Variants in CDIN1 observed in about 807,000 individuals in gnomAD.
The protein encoded by CDIN1 is CDAN1-interacting nuclease 1.
CDIN1 carries 33 observed loss-of-function variants against 45.3 expected under a neutral mutation model. That is an observed-to-expected ratio of 0.73 (90% confidence interval 0.55 to 0.97). CDIN1 has a LOEUF of 0.97. Among genes scored for constraint, CDIN1 ranks in the 50% least tolerant of loss-of-function variants. The probability of loss-of-function intolerance (pLI) is 0.00; values close to 1 mark genes in which losing one functional copy is unlikely to be tolerated. For missense variants in CDIN1, 303 were observed against 339.4 expected (o/e 0.89, Z 0.84); for synonymous variants, 118 against 124.4 (o/e 0.95, Z 0.34).
chr15:36,761,298 G>C (rs956705887), intron 10 of CDIN1, among the ~76,000 whole-genome samples: 1 of 152,096 alleles, frequency 6.6e-6, no homozygotes, highest in Non-Finnish European at 1.5e-5. Flanking sequence ...GATTGTTTCC[G>C]TTGTGCATAT....
intron 8 of CDIN1, chr15:36,701,998 C>G: frequency 1.4e-6 from 1 of 700,690 alleles, no homozygotes; most frequent in Non-Finnish European, 2.6e-6. Context: ...ATGTGACAAA[C>G]AGGGGATTAT....
At chr15:36,659,984 T>TTTTC (rs71126230) in intron 5 of CDIN1, among the ~76,000 whole-genome samples, 6 of 148,382 alleles carry the variant, frequency 4.0e-5, no homozygotes, top group Admixed American at 1.3e-4. Flanking sequence ...TTTTTTTTTT[T>TTTTC]CTTAAAGAAC....
At chr15:36,613,589 C>T (rs558569502) in intron 1 of CDIN1, 76 of 1,472,686 alleles carry the variant, frequency 5.2e-5, no homozygotes, top group African/African-American at 1.5e-4. Context: ...GGGAGAAAGG[C>T]GGGCCCGGGA....
At chr15:36,651,351 G>A (rs1003458262) in intron 3 of CDIN1, among the ~76,000 whole-genome samples, 1 of 152,152 alleles carries the variant, frequency 6.6e-6, no homozygotes, top group African/African-American at 2.4e-5. Context: ...AATGCTATAA[G>A]TTTGCACAAG....
intron 1 of CDIN1, chr15:36,595,000 A>G: frequency 1.3e-6 from 1 of 789,062 alleles, no homozygotes; most frequent in African/African-American, 1.9e-5. Context: ...TGTTCCATAG[A>G]TAAGCTATAG....
intron 5 of CDIN1, among the ~76,000 whole-genome samples, chr15:36,689,278 C>T (rs778778082): frequency 1.1e-4 from 17 of 152,076 alleles, no homozygotes; most frequent in East Asian, 3.8e-4. Flanking sequence ...TCTTATGTCA[C>T]GGAGTATTGT....
At position 36,809,145 on chromosome 15, in the gene CDIN1, C is replaced by A. The variant is rs1356513141; in HGVS notation, c.*692C>A. 1.2e-5 allele frequency: 4 copies of A among 321,852 alleles called. No homozygotes were observed. The highest frequency in any genetic ancestry group is 1.8e-5 in the Non-Finnish European group (3 of 162,676). The allele number at this position is 321,852 out of a possible 1,614,324, so 19.9% of individuals were successfully genotyped here. ...CTCTTTTAATAATGTTATTTGAACA[C>A]CACATATTTTAGATTTATCTTATTT... is the stretch of plus-strand genomic sequence containing the variant. On this transcript the variant is annotated 3_prime_UTR_variant, in exon 11 of 11. Coordinates refer to ENST00000566621, the MANE Select transcript of CDIN1 (RefSeq NM_001321759.2).
At chr15:36,645,884 A>AGTT (rs1479590911) in intron 3 of CDIN1, among the ~76,000 whole-genome samples, 3 of 152,172 alleles carry the variant, frequency 2.0e-5, no homozygotes, top group Non-Finnish European at 4.4e-5. Flanking sequence ...TCAACAGCAT[A>AGTT]GTATCCAGGA....
Position 36,761,107 on chromosome 15 carries a change from C to G in CDIN1, c.717-47217C>G, listed in dbSNP as rs570036562. The stretch of plus-strand genomic sequence containing the variant: ...ACCGGCACATCTAAAAGCTAAGGCA[C>G]TTAACAATTAGAAAGTTGTATGATA... On this transcript the variant is annotated intron_variant, in intron 10 of 10. Transcript: ENST00000566621. 6.6e-5 allele frequency among the ~76,000 whole-genome samples: 10 copies of G among 152,278 alleles called. No homozygotes were observed. The East Asian group carries it at 7.7e-4, about 12-fold the overall frequency.
intron 1 of CDIN1, among the ~76,000 whole-genome samples, chr15:36,609,486 G>A (rs781468668): frequency 6.6e-6 from 1 of 152,164 alleles, no homozygotes; most frequent in Non-Finnish European, 1.5e-5. Flanking sequence ...AAAGGGCTGG[G>A]TGTGGTGGCT....
chr15:36,800,909 G>GTATGTATATATATATA (rs1555410946), intron 10 of CDIN1, among the ~76,000 whole-genome samples: 15 of 22,374 alleles, frequency 6.7e-4, no homozygotes, highest in Non-Finnish European at 1.4e-3. Context: ...GTGTGTGTGT[G>GTATGTATATATATATA]TATATATATA....
Position 36,617,874 on chromosome 15 carries a change from A to G in CDIN1, c.102-26404A>G, listed in dbSNP as rs562941671. On this transcript the variant is annotated intron_variant, in intron 1 of 10. Transcript: ENST00000566621. ...TTAAGAGAAGAAGTTAAAACATTTC[A>G]GGGCAAGCCAATTATGGCAAGGATA... 572 of 774,338 alleles carry G rather than the reference A, an allele frequency of 7.4e-4. 2 individuals are homozygous for G. The African/African-American group carries it at 8.7e-3, about 12-fold the overall frequency. The allele number at this position is 774,338 out of a possible 1,614,324, so 48.0% of individuals were successfully genotyped here.
intron 5 of CDIN1, among the ~76,000 whole-genome samples, chr15:36,664,386 CAA>C (rs758854068): frequency 5.3e-5 from 8 of 152,174 alleles, no homozygotes; most frequent in Non-Finnish European, 8.8e-5. Flanking sequence ...CTTAATTATT[CAA>C]GTGTTTATTT....
chr15:36,751,123 T>G (rs1428864925), intron 10 of CDIN1, among the ~76,000 whole-genome samples: 4 of 151,032 alleles, frequency 2.6e-5, no homozygotes, highest in Middle Eastern at 7.0e-3. Flanking sequence ...TAGATCAATA[T>G]CCACAAAATG....
At position 36,642,686 on chromosome 15, in the gene CDIN1, A is replaced by G. The variant is rs531377520; in HGVS notation, c.102-1592A>G. 5.3e-5 allele frequency among the ~76,000 whole-genome samples: 8 copies of G among 152,332 alleles called. No individual in the cohort carries two copies. The East Asian group carries it at 1.5e-3, about 29-fold the overall frequency. ...CCAACTGCCTCTTCCCATTCTGGGCATCTACAGTTATGTTATGTTTTATTT... is the reference window on the plus strand; with the variant it reads ...CCAACTGCCTCTTCCCATTCTGGGCGTCTACAGTTATGTTATGTTTTATTT... On this transcript the variant is annotated intron_variant, in intron 1 of 10. Transcript: ENST00000566621.
intron 3 of CDIN1, among the ~76,000 whole-genome samples, chr15:36,652,962 GT>G (rs2040631152): frequency 1.3e-5 from 2 of 151,928 alleles, no homozygotes. Flanking sequence ...GTCCAATATG[GT>G]TTTTAAAAAT....
At chr15:36,634,282 TAGTC>T (rs1225556550) in intron 1 of CDIN1, among the ~76,000 whole-genome samples, 7 of 150,082 alleles carry the variant, frequency 4.7e-5, no homozygotes, top group Non-Finnish European at 8.9e-5. Context: ...TACAAAAAAT[TAGTC>T]AGGCGTGGTG....
rs1435322715 is a variant in CDIN1 at position 36,654,171 on chromosome 15, T to A, written c.273+13T>A. On this transcript the variant is annotated intron_variant, in intron 4 of 10. Transcript: ENST00000566621. ...CCTGGCCAATGAGGTAATGTTATTG[T>A]TATGATTTTATTTAAACCTGCGTGT... 6.4e-7 allele frequency: 1 copy of A among 1,557,894 alleles called. No homozygotes were observed. Among genetic ancestry groups the A allele is most frequent in the Admixed American group, 1.9e-5 (1 of 51,886 alleles).
intron 10 of CDIN1, among the ~76,000 whole-genome samples, chr15:36,736,833 C>T (rs2044039716): frequency 6.6e-6 from 1 of 152,134 alleles, no homozygotes; most frequent in Non-Finnish European, 1.5e-5. Flanking sequence ...CTACTTCTAG[C>T]CAAACAAATA....
Sources: gnomAD v4.1 joint callset for allele counts (sites outside exome capture counted in the v4.1 genomes callset) on GRCh38, gnomAD v4.1.1 for gene constraint, MANE v1.5 for transcripts, NCBI Gene and HGNC (gene_info 2026-07-23, HGNC 2026-07-21) for gene names.